Variants in ZDHHC14 observed in about 807,000 individuals in gnomAD.
ZDHHC14 encodes the protein palmitoyltransferase ZDHHC14.
A neutral mutation model predicts 47.7 loss-of-function variants in ZDHHC14; 16 were observed. The ratio of observed to expected loss-of-function variants is 0.34; its 90% CI spans 0.23 to 0.51. The LOEUF is 0.51. Ranked by LOEUF, ZDHHC14 falls within the 20% of genes least tolerant of loss-of-function variation. ZDHHC14 has a pLI of 0.97. For missense variants in ZDHHC14, 515 were observed against 662.5 expected (o/e 0.78, Z 2.44); for synonymous variants, 293 against 278.9 (o/e 1.05, Z -0.50).
chr6:157,524,414 G>A (rs938587297), intron 1 of ZDHHC14, among the ~76,000 whole-genome samples: 5 of 152,176 alleles, frequency 3.3e-5, no homozygotes, highest in South Asian at 2.1e-4. Context: ...GATTATAGGC[G>A]TGAGCCACCA....
intron 2 of ZDHHC14, among the ~76,000 whole-genome samples, chr6:157,562,405 C>A (rs942524767): frequency 2.0e-5 from 3 of 152,130 alleles, no homozygotes; most frequent in Non-Finnish European, 2.9e-5. Flanking sequence ...GTGAGCGTGG[C>A]GAGGGGTCTC....
At chr6:157,526,046 T>G (rs1781141941) in intron 1 of ZDHHC14, among the ~76,000 whole-genome samples, 1 of 152,202 alleles carries the variant, frequency 6.6e-6, no homozygotes, top group African/African-American at 2.4e-5. Flanking sequence ...GCTTTCACTT[T>G]AAACTTCAGG....
intron 2 of ZDHHC14, among the ~76,000 whole-genome samples, chr6:157,571,523 T>C (rs1409119100): frequency 6.6e-6 from 1 of 152,210 alleles, no homozygotes; most frequent in African/African-American, 2.4e-5. Context: ...CTTCCATAAT[T>C]AACTAGATAA....
intron 1 of ZDHHC14, among the ~76,000 whole-genome samples, chr6:157,457,882 C>G (rs1778965889): frequency 6.6e-6 from 1 of 152,216 alleles, no homozygotes; most frequent in Non-Finnish European, 1.5e-5. Flanking sequence ...TGAGGTTTTA[C>G]AGCTGGGGGG....
At chr6:157,522,923 T>TCCTTCC (rs1290520032) in intron 1 of ZDHHC14, among the ~76,000 whole-genome samples, 1 of 57,012 alleles carries the variant, frequency 1.8e-5, no homozygotes, top group Non-Finnish European at 3.1e-5. Flanking sequence ...CTTCCTTCCT[T>TCCTTCC]TCTTTCTTTC....
intron 2 of ZDHHC14, among the ~76,000 whole-genome samples, chr6:157,580,760 G>A (rs1783489107): frequency 6.6e-6 from 1 of 151,488 alleles, no homozygotes; most frequent in African/African-American, 2.4e-5. Flanking sequence ...TTCTCTGGGG[G>A]TAAGTGGTAA....
intron 1 of ZDHHC14, among the ~76,000 whole-genome samples, chr6:157,453,788 T>TTTTTTTTGTGTGTGTGTGTG (rs3220439): frequency 4.1e-4 from 61 of 148,194 alleles, no homozygotes; most frequent in African/African-American, 1.4e-3. Flanking sequence ...TTTTTGTGTT[T>TTTTTTTTGTGTGTGTGTGTG]TGTGTGTGTG....
intron 1 of ZDHHC14, among the ~76,000 whole-genome samples, chr6:157,424,710 A>G (rs748639457): frequency 1.3e-5 from 2 of 152,200 alleles, no homozygotes; most frequent in African/African-American, 4.8e-5. Flanking sequence ...AGGAGATTCG[A>G]TTAATGATTA....
Position 157,672,780 on chromosome 6 carries a change from G to A in ZDHHC14, c.1125G>A (p.Thr375=), listed in dbSNP as rs974300576. The A allele has an allele frequency of 8.1e-6, 13 of 1,612,358 alleles. No individual in the cohort carries two copies. The highest frequency in any genetic ancestry group is 4.4e-5 in the South Asian group (4 of 91,042). The change falls in exon 9 of 9, where the codon ACG becomes ACA. Residue 375 remains threonine, a synonymous_variant. Coordinates refer to ENST00000359775, the MANE Select transcript of ZDHHC14 (RefSeq NM_024630.3). Reference sequence around the variant, plus strand: ...AATTCGTTTTGCAGGCTGCAGCCACGCCCCTGCTGCAGAGCGAGCCCAGCC... The same window carrying A: ...AATTCGTTTTGCAGGCTGCAGCCACACCCCTGCTGCAGAGCGAGCCCAGCC... ...STKFVLQAAA[T]PLLQSEPSLT... is the part of the protein sequence containing the mutation.
At chr6:157,492,567 G>A (rs1284801547) in intron 1 of ZDHHC14, among the ~76,000 whole-genome samples, 1 of 152,220 alleles carries the variant, frequency 6.6e-6, no homozygotes, top group Non-Finnish European at 1.5e-5. Flanking sequence ...CACAGAAGAG[G>A]AGGCGCTGTT....
chr6:157,529,081 A>G (rs1012073734), intron 1 of ZDHHC14: 1 of 154,692 alleles, frequency 6.5e-6, no homozygotes, highest in African/African-American at 2.4e-5. Context: ...ACACACTCAG[A>G]CTTCCAGTTT....
At chr6:157,658,406 A>G (rs1037831073) in intron 8 of ZDHHC14, among the ~76,000 whole-genome samples, 1 of 152,208 alleles carries the variant, frequency 6.6e-6, no homozygotes, top group Non-Finnish European at 1.5e-5. Flanking sequence ...GGGCAGAGAC[A>G]ACATCTCAGT....
chr6:157,474,803 C>A (rs1345856043), intron 1 of ZDHHC14, among the ~76,000 whole-genome samples: 1 of 152,104 alleles, frequency 6.6e-6, no homozygotes, highest in East Asian at 1.9e-4. Flanking sequence ...TGAATATTAA[C>A]CCCTTATTAG....
chr6:157,407,688 A>T (rs1777791501), intron 1 of ZDHHC14, among the ~76,000 whole-genome samples: 1 of 152,186 alleles, frequency 6.6e-6, no homozygotes, highest in African/African-American at 2.4e-5. Context: ...ATTACAATGA[A>T]ATTGGTGTGC....
chr6:157,426,915 G>T (rs113908490), intron 1 of ZDHHC14, among the ~76,000 whole-genome samples: 3,324 of 152,354 alleles, frequency 0.022, 132 homozygotes, highest in African/African-American at 0.076. Context: ...GACAGCTGGG[G>T]CTGAGGGACC....
chr6:157,489,612 T>C (rs963847772), intron 1 of ZDHHC14, among the ~76,000 whole-genome samples: 8 of 152,268 alleles, frequency 5.3e-5, no homozygotes, highest in East Asian at 1.9e-4. Flanking sequence ...GAATTAGATA[T>C]GTTTAGAACC....
chr6:157,554,340 T>G (rs148277405), intron 2 of ZDHHC14, among the ~76,000 whole-genome samples: 2 of 152,174 alleles, frequency 1.3e-5, no homozygotes, highest in African/African-American at 4.8e-5. Context: ...CCACTAGGAA[T>G]GTAAGGCAGG....
intron 1 of ZDHHC14, among the ~76,000 whole-genome samples, chr6:157,514,856 G>T (rs1300531206): frequency 6.6e-6 from 1 of 152,190 alleles, no homozygotes; most frequent in Non-Finnish European, 1.5e-5. Context: ...GGTGCTTGGG[G>T]CCTGGGTCTC....
chr6:157,578,660 GGT>G (rs1783397869), intron 2 of ZDHHC14, among the ~76,000 whole-genome samples: 1 of 152,150 alleles, frequency 6.6e-6, no homozygotes, highest in Non-Finnish European at 1.5e-5. Context: ...TCATGGGGGT[GGT>G]TTCCCCTATG....
Sources: allele counts gnomAD v4.1 joint callset (sites outside exome capture counted in the v4.1 genomes callset), GRCh38; gene constraint gnomAD v4.1.1; transcripts MANE v1.5; gene names NCBI Gene and HGNC (gene_info 2026-07-23, HGNC 2026-07-21).